KCNQ3: variants seen among roughly 807,000 people sequenced by gnomAD.
KCNQ3 encodes the protein potassium voltage-gated channel subfamily Q member 3.
KCNQ3 carries 30 observed loss-of-function variants against 92.5 expected under a neutral mutation model. The observed-to-expected ratio is 0.32, with a 90% CI of 0.24 to 0.44. KCNQ3 has a LOEUF of 0.44. KCNQ3 is among the 20% of genes least tolerant of loss of function. KCNQ3 has a pLI of 1.00. For synonymous variants in KCNQ3, 450 were observed against 468.8 expected (o/e 0.96, Z 0.52); for missense variants, 913 against 1,140.3 (o/e 0.80, Z 2.87).
rs1166328146 is a variant in KCNQ3, at chr8:132,124,626, T to A, written c.*4636A>T. 1 of 152,262 alleles carries A rather than the reference T, an allele frequency of 6.6e-6. No individual in the cohort carries two copies. The highest frequency in any genetic ancestry group is 1.5e-5 in the Non-Finnish European group (1 of 68,058). The allele number at this position is 152,262 out of a possible 1,614,324, so 9.4% of individuals were successfully genotyped here. A position where few individuals can be genotyped will look rare whatever the true frequency, so the allele number is the denominator to read the frequency against. On this transcript the variant is annotated 3_prime_UTR_variant, in exon 15 of 15. Transcript: ENST00000388996. ...GTGAGGGGCTGCCTGCTGGCTTGTT[T>A]AGGGGCCAGTTGGCTCAGTTTGGAA...
intron 1 of KCNQ3, among the ~76,000 whole-genome samples, chr8:132,280,966 G>A (rs568138639): frequency 1.6e-4 from 25 of 152,108 alleles, no homozygotes; most frequent in African/African-American, 5.8e-4. Context: ...TTTATTTTCC[G>A]AAAAAAGCTT....
chr8:132,455,738 A>AC (rs1821923562), intron 1 of KCNQ3, among the ~76,000 whole-genome samples: 1 of 152,000 alleles, frequency 6.6e-6, no homozygotes, highest in Non-Finnish European at 1.5e-5. Context: ...AGAGGTGGAT[A>AC]CTTTTTTTTG....
At chr8:132,376,807 A>G (rs912696689) in intron 1 of KCNQ3, among the ~76,000 whole-genome samples, 3 of 152,208 alleles carry the variant, frequency 2.0e-5, no homozygotes, top group African/African-American at 7.2e-5. Flanking sequence ...GCCTAGAGAG[A>G]TAAGTGACAC....
At chr8:132,406,010 G>T (rs1035036868) in intron 1 of KCNQ3, among the ~76,000 whole-genome samples, 1 of 152,118 alleles carries the variant, frequency 6.6e-6, no homozygotes, top group Admixed American at 6.5e-5. Flanking sequence ...CAGGTGGGTG[G>T]CAGTGTGTGT....
At chr8:132,372,184 G>T (rs1423478725) in intron 1 of KCNQ3, among the ~76,000 whole-genome samples, 1 of 152,070 alleles carries the variant, frequency 6.6e-6, no homozygotes, top group Non-Finnish European at 1.5e-5. Flanking sequence ...CTAACATCAT[G>T]ATTCTATTTC....
intron 1 of KCNQ3, among the ~76,000 whole-genome samples, chr8:132,319,842 G>T (rs1254596405): frequency 6.6e-6 from 1 of 152,190 alleles, no homozygotes; most frequent in Non-Finnish European, 1.5e-5. Context: ...GCCTATTCAG[G>T]ACTATATGAT....
chr8:132,445,544 A>G (rs1821652799), intron 1 of KCNQ3, among the ~76,000 whole-genome samples: 1 of 152,166 alleles, frequency 6.6e-6, no homozygotes, highest in African/African-American at 2.4e-5. Flanking sequence ...TCAAGTTAAG[A>G]AGAAATAAAA....
chr8:132,365,661 A>T (rs1409737115), intron 1 of KCNQ3, among the ~76,000 whole-genome samples: 4 of 152,246 alleles, frequency 2.6e-5, no homozygotes, highest in Non-Finnish European at 5.9e-5. Flanking sequence ...AAGTAAATGA[A>T]TGCTGATAAT....
intron 9 of KCNQ3, among the ~76,000 whole-genome samples, chr8:132,162,578 C>A (rs1370734533): frequency 6.6e-6 from 1 of 152,168 alleles, no homozygotes; most frequent in Non-Finnish European, 1.5e-5. Flanking sequence ...TTCACCTAAC[C>A]CTCCTTTACG....
intron 1 of KCNQ3, among the ~76,000 whole-genome samples, chr8:132,247,893 C>A (rs1186565455): frequency 1.3e-5 from 2 of 152,030 alleles, no homozygotes; most frequent in African/African-American, 4.8e-5. Flanking sequence ...GTATCACTTA[C>A]CAGGTGCCAA....
intron 1 of KCNQ3, among the ~76,000 whole-genome samples, chr8:132,321,169 AT>A (rs1404371153): frequency 4.6e-5 from 7 of 152,176 alleles, no homozygotes; most frequent in African/African-American, 1.7e-4. Flanking sequence ...TAGAAATTCC[AT>A]TTCAGATGAA....
intron 1 of KCNQ3, among the ~76,000 whole-genome samples, chr8:132,398,612 C>T (rs7004250): frequency 0.18 from 28,069 of 152,070 alleles, 2,759 homozygotes; most frequent in Non-Finnish European, 0.21. Flanking sequence ...TTTAATTTTG[C>T]TACAGATATA....
intron 1 of KCNQ3, among the ~76,000 whole-genome samples, chr8:132,320,691 C>T (rs1314173143): frequency 6.6e-6 from 1 of 152,086 alleles, no homozygotes; most frequent in African/African-American, 2.4e-5. Flanking sequence ...GCCCCACTTG[C>T]TCAGAGCCAG....
At chr8:132,161,248 A>G (rs1454626755) in intron 9 of KCNQ3, among the ~76,000 whole-genome samples, 2 of 152,236 alleles carry the variant, frequency 1.3e-5, no homozygotes, top group African/African-American at 2.4e-5. Context: ...TAATTCTTTC[A>G]TCAGCCTGAC....
intron 1 of KCNQ3, among the ~76,000 whole-genome samples, chr8:132,379,778 C>T (rs181241381): frequency 9.2e-5 from 14 of 152,144 alleles, no homozygotes; most frequent in Admixed American, 7.2e-4. Flanking sequence ...GAGACAAAGA[C>T]ATGGAATATA....
chr8:132,300,773 C>T (rs964679709), intron 1 of KCNQ3, among the ~76,000 whole-genome samples: 8 of 152,182 alleles, frequency 5.3e-5, no homozygotes, highest in Non-Finnish European at 8.8e-5. Context: ...AGGGACTCCA[C>T]CTGCCCAACT....
At chr8:132,180,630 C>G (rs559490318) in intron 3 of KCNQ3, among the ~76,000 whole-genome samples, 3 of 152,090 alleles carry the variant, frequency 2.0e-5, no homozygotes, top group Non-Finnish European at 4.4e-5. Context: ...CAAGGCCCCC[C>G]GCAGTGTGGT....
intron 1 of KCNQ3, among the ~76,000 whole-genome samples, chr8:132,258,478 A>G (rs949751602): frequency 1.3e-5 from 2 of 152,122 alleles, no homozygotes; most frequent in African/African-American, 4.8e-5. Flanking sequence ...CAAAAGCACA[A>G]CATATCAAAA....
intron 1 of KCNQ3, among the ~76,000 whole-genome samples, chr8:132,451,376 T>C (rs1821817813): frequency 6.6e-6 from 1 of 152,164 alleles, no homozygotes; most frequent in South Asian, 2.1e-4. Context: ...ACTAACACAA[T>C]CGGGCTCAAG....
Sources: gnomAD v4.1 joint callset for allele counts (sites outside exome capture counted in the v4.1 genomes callset) on GRCh38, gnomAD v4.1.1 for gene constraint, MANE v1.5 for transcripts, NCBI Gene and HGNC (gene_info 2026-07-23, HGNC 2026-07-21) for gene names.